DTNB: variants seen among roughly 807,000 people sequenced by gnomAD.
The protein encoded by DTNB is DTN-B.
A neutral mutation model predicts 90.7 loss-of-function variants in DTNB; 63 were observed. The ratio of observed to expected loss-of-function variants is 0.69; its 90% CI spans 0.57 to 0.86. The LOEUF is 0.86. Among genes scored for constraint, DTNB ranks in the 40% least tolerant of loss-of-function variants. The pLI is 0.00. For missense variants in DTNB, 744 were observed against 807.1 expected (o/e 0.92, Z 0.95); for synonymous variants, 277 against 286.7 (o/e 0.97, Z 0.34).
chr2:25,654,372 C>T (rs1391109830), intron 1 of DTNB, among the ~76,000 whole-genome samples: 2 of 152,178 alleles, frequency 1.3e-5, no homozygotes, highest in African/African-American at 4.8e-5. Flanking sequence ...GAGGGTGCTA[C>T]TGGCATCTAG....
chr2:25,514,493 AC>A (rs1349062847), intron 9 of DTNB, among the ~76,000 whole-genome samples: 4 of 57,546 alleles, frequency 7.0e-5, no homozygotes, highest in East Asian at 6.1e-4. Flanking sequence ...AAGCCCCCCC[AC>A]CCCCCACAAA....
intron 8 of DTNB, among the ~76,000 whole-genome samples, chr2:25,575,327 GA>G (rs1399622139): frequency 2.0e-5 from 3 of 150,826 alleles, no homozygotes; most frequent in Non-Finnish European, 4.4e-5. Context: ...GAAACAATTT[GA>G]AAATCTGTAA....
intron 9 of DTNB, among the ~76,000 whole-genome samples, chr2:25,526,386 T>TAA (rs2077139245): frequency 3.6e-5 from 2 of 56,062 alleles, no homozygotes; most frequent in Non-Finnish European, 6.3e-5. Context: ...TATATATATA[T>TAA]ATATATATAT....
At chr2:25,577,588 G>A (rs1362133056) in intron 7 of DTNB, among the ~76,000 whole-genome samples, 18 of 151,518 alleles carry the variant, frequency 1.2e-4, no homozygotes. Context: ...TCATTCCAAT[G>A]TACTATCAAG....
At chr2:25,383,954 A>C in intron 18 of DTNB, 65 bp from the exon 19 acceptor site, 1 of 1,612,310 alleles carries the variant, frequency 6.2e-7, no homozygotes, top group Middle Eastern at 1.7e-4. Flanking sequence ...AAGGAGGGTG[A>C]ACAAAGCAAC....
chr2:25,665,852 A>T (rs1291545246), intron 1 of DTNB, among the ~76,000 whole-genome samples: 2 of 151,990 alleles, frequency 1.3e-5, no homozygotes, highest in African/African-American at 4.8e-5. Flanking sequence ...AATCTGAGAG[A>T]GTTCTCTAGG....
intron 8 of DTNB, among the ~76,000 whole-genome samples, chr2:25,538,240 T>A (rs57554628): frequency 0.29 from 44,445 of 150,706 alleles, 7,493 homozygotes; most frequent in East Asian, 0.51. Flanking sequence ...ACAAAAAATA[T>A]ATATATATCC....
At chr2:25,614,425 T>C (rs144092408) in intron 4 of DTNB, among the ~76,000 whole-genome samples, 184 of 152,294 alleles carry the variant, frequency 1.2e-3, no homozygotes, top group African/African-American at 3.6e-3. Context: ...TAGAAAGCTA[T>C]AGAACTACTA....
chr2:25,400,889 C>A (rs1267498580), intron 16 of DTNB, among the ~76,000 whole-genome samples: 6 of 152,160 alleles, frequency 3.9e-5, no homozygotes. Flanking sequence ...TGAAACATTA[C>A]AATCTGATAA....
intron 4 of DTNB, among the ~76,000 whole-genome samples, chr2:25,610,338 C>G (rs2068262844): frequency 6.6e-6 from 1 of 152,122 alleles, no homozygotes; most frequent in African/African-American, 2.4e-5. Context: ...TAATATTTAT[C>G]ACTTTCATAA....
At chr2:25,550,682 CT>C (rs2083457675) in intron 8 of DTNB, among the ~76,000 whole-genome samples, 1 of 151,946 alleles carries the variant, frequency 6.6e-6, no homozygotes, top group South Asian at 2.1e-4. Flanking sequence ...TTTTTCTTTT[CT>C]TTTTTACTCA....
At chr2:25,436,890 T>G (rs192590255) in intron 12 of DTNB, among the ~76,000 whole-genome samples, 1 of 152,286 alleles carries the variant, frequency 6.6e-6, no homozygotes, top group East Asian at 1.9e-4. Flanking sequence ...TGAAAGAAAT[T>G]TGCTTCATAT....
At chr2:25,440,158 T>G (rs2057039126) in intron 12 of DTNB, among the ~76,000 whole-genome samples, 2 of 152,168 alleles carry the variant, frequency 1.3e-5, no homozygotes, top group Admixed American at 1.3e-4. Context: ...GCATAGCAGG[T>G]ATACTGGAAG....
intron 16 of DTNB, among the ~76,000 whole-genome samples, chr2:25,414,539 C>T (rs1162906609): frequency 2.0e-5 from 3 of 152,186 alleles, no homozygotes; most frequent in African/African-American, 7.2e-5. Flanking sequence ...CAGGCATGAG[C>T]CACCATGCCT....
rs373559596 is a variant in DTNB, at chr2:25,535,733, C to T, written c.877-4136G>A. Among the ~76,000 whole-genome samples, 29 of 137,520 alleles carry T rather than the reference C, an allele frequency of 2.1e-4. 1 individual carries two copies. Among genetic ancestry groups the T allele is most frequent in the East Asian group, 1.8e-3 (8 of 4,360 alleles). The allele number at this position is 137,520 out of a possible 152,430, so 90.2% of individuals were successfully genotyped here. On this transcript the variant is annotated intron_variant, in intron 8 of 20. Coordinates refer to ENST00000406818, the MANE Select transcript of DTNB (RefSeq NM_021907.5). The stretch of plus-strand genomic sequence containing the variant: ...CTCACTTCCTAGACGGGGTGGCTGC[C>T]GGGCAGAGGCGCTCCTCACTTCCCA...
At chr2:25,664,223 C>T (rs1280841384) in intron 1 of DTNB, among the ~76,000 whole-genome samples, 1 of 152,098 alleles carries the variant, frequency 6.6e-6, no homozygotes, top group Non-Finnish European at 1.5e-5. Context: ...TTATATTATG[C>T]ATTTGACTGA....
chr2:25,668,754 G>T lies in DTNB; in HGVS notation c.-2+4632C>A, dbSNP rs1226974622. Among the ~76,000 whole-genome samples the T allele has an allele frequency of 2.6e-5, 4 of 152,136 alleles. No individual in the cohort carries two copies. In the East Asian group the frequency reaches 7.7e-4, roughly 29 times the overall value. ...CATTATGTATATTGTTTTAAAAACT[G>T]TATTACTGACAATTGCACTTGAGTA... On this transcript the variant is annotated intron_variant, in intron 1 of 20. Coordinates refer to ENST00000406818, the MANE Select transcript of DTNB (RefSeq NM_021907.5).
chr2:25,599,491 G>A (rs568268898), intron 5 of DTNB, among the ~76,000 whole-genome samples: 30 of 151,800 alleles, frequency 2.0e-4, no homozygotes, highest in East Asian at 9.8e-4. Flanking sequence ...ACAGGCGCCC[G>A]CCACCATGCC....
At chr2:25,625,511 C>T (rs1207009153) in intron 4 of DTNB, among the ~76,000 whole-genome samples, 1 of 150,222 alleles carries the variant, frequency 6.7e-6, no homozygotes, top group Non-Finnish European at 1.5e-5. Context: ...ACCCAACTCA[C>T]TAATAACATA....
Sources: allele counts gnomAD v4.1 joint callset (sites outside exome capture counted in the v4.1 genomes callset), GRCh38; gene constraint gnomAD v4.1.1; transcripts MANE v1.5; gene names NCBI Gene and HGNC (gene_info 2026-07-23, HGNC 2026-07-21).